LGSN: variants seen among roughly 807,000 people sequenced by gnomAD.
The protein encoded by LGSN is lengsin.
LGSN carries 21 observed loss-of-function variants against 19.5 expected under a neutral mutation model. That is an observed-to-expected ratio of 1.07 (90% confidence interval 0.76 to 1.55). The LOEUF is 1.55. LGSN is among the 40% of genes most tolerant of loss of function. The probability of loss-of-function intolerance (pLI) is 0.00; values close to 1 mark genes in which losing one functional copy is unlikely to be tolerated. For synonymous variants in LGSN, 257 were observed against 215.6 expected, an observed-to-expected ratio of 1.19 and a Z score of -1.68; for missense variants, 673 against 608.5, an observed-to-expected ratio of 1.11 and a Z score of -1.12.
chr6:63,326,155 G>A, the LGSN span, among the ~76,000 whole-genome samples: 18,497 of 152,050 alleles, frequency 0.12, 1,562 homozygotes, highest in Admixed American at 0.25. Context: ...CGATTGGTGC[G>A]TTCACAAACC....
the LGSN span, among the ~76,000 whole-genome samples, chr6:63,390,461 C>G: frequency 1.3e-5 from 2 of 151,676 alleles, no homozygotes; most frequent in Non-Finnish European, 2.9e-5. Flanking sequence ...CTATTATTTT[C>G]TTAGAATGCA....
At chr6:63,357,039 T>C in the LGSN span, among the ~76,000 whole-genome samples, 1 of 138,740 alleles carries the variant, frequency 7.2e-6, no homozygotes, top group Non-Finnish European at 1.5e-5. Flanking sequence ...TGTCCATGTG[T>C]TCTCATTGTT....
At chr6:63,411,142 A>T in the LGSN span, among the ~76,000 whole-genome samples, 1 of 152,200 alleles carries the variant, frequency 6.6e-6, no homozygotes, top group Non-Finnish European at 1.5e-5. Flanking sequence ...ATTGACTAGA[A>T]ATTTTGCCAG....
Position 63,280,705 on chromosome 6 carries a change from T to C in LGSN, c.846A>G (p.Ala282=). Residue 282 remains alanine, a synonymous_variant, in exon 4 of 4, where the codon GCA becomes GCG. Coordinates refer to ENST00000370657, the MANE Select transcript of LGSN (RefSeq NM_016571.3). ...PEFGISSADN[A]FTLRTGVKEV... Reference sequence around the variant, plus strand: ...CTTTGACACCTGTTCTGAGGGTAAATGCATTATCAGCTGAGCTAATGCCAA... The same window carrying C: ...CTTTGACACCTGTTCTGAGGGTAAACGCATTATCAGCTGAGCTAATGCCAA... 1 of 1,614,096 alleles carries C rather than the reference T, an allele frequency of 6.2e-7. No individual in the cohort carries two copies. The highest frequency in any genetic ancestry group is 8.5e-7 in the Non-Finnish European group (1 of 1,180,018).
At chr6:63,464,532 A>ATATAT in the LGSN span, among the ~76,000 whole-genome samples, 1 of 148,902 alleles carries the variant, frequency 6.7e-6, no homozygotes, top group African/African-American at 2.5e-5. Context: ...GTATGGAAAA[A>ATATAT]ATATATATAT....
intron 2 of LGSN, 84 bp from the exon 3 acceptor site, chr6:63,285,837 C>T (rs368000679): frequency 2.5e-5 from 25 of 1,015,598 alleles, no homozygotes; most frequent in East Asian, 1.3e-4. Context: ...GTGAATTAGT[C>T]AATATTATTA....
chr6:63,379,097 A>G, the LGSN span, among the ~76,000 whole-genome samples: 1 of 152,206 alleles, frequency 6.6e-6, no homozygotes, highest in African/African-American at 2.4e-5. Context: ...TGAGATAGTT[A>G]AAATCAACAG....
chr6:63,555,588 C>T, the LGSN span, among the ~76,000 whole-genome samples: 2 of 152,098 alleles, frequency 1.3e-5, no homozygotes, highest in East Asian at 3.8e-4. Context: ...AGGATTTTGT[C>T]TCACTGCATG....
At chr6:63,470,149 A>T in the LGSN span, among the ~76,000 whole-genome samples, 1 of 152,054 alleles carries the variant, frequency 6.6e-6, no homozygotes, top group South Asian at 2.1e-4. Flanking sequence ...GGAAGGAAGG[A>T]AGGAAGGCAG....
the LGSN span, chr6:63,441,469 G>T: frequency 2.3e-6 from 1 of 444,288 alleles, no homozygotes; most frequent in South Asian, 1.9e-5. Context: ...TTGCTTGGGT[G>T]AGAAGCCATG....
At chr6:63,282,319 C>A (rs1197308497) in intron 3 of LGSN, among the ~76,000 whole-genome samples, 1 of 152,220 alleles carries the variant, frequency 6.6e-6, no homozygotes, top group Non-Finnish European at 1.5e-5. Flanking sequence ...CTCTAACAAT[C>A]TGCAAGCCAG....
chr6:63,311,002 C>G (rs1768605691), intron 1 of LGSN, among the ~76,000 whole-genome samples: 1 of 152,130 alleles, frequency 6.6e-6, no homozygotes, highest in South Asian at 2.1e-4. Context: ...AAGCAAAATG[C>G]CTTGAGCATC....
the LGSN span, among the ~76,000 whole-genome samples, chr6:63,437,803 A>T: frequency 1.3e-3 from 191 of 152,008 alleles, no homozygotes; most frequent in Non-Finnish European, 2.3e-3. Context: ...GGTGGTGGGC[A>T]CCTGTAATCC....
the LGSN span, among the ~76,000 whole-genome samples, chr6:63,327,923 G>A: frequency 1.4e-4 from 21 of 152,040 alleles, no homozygotes; most frequent in African/African-American, 5.1e-4. Flanking sequence ...ACCTCTTTGT[G>A]TTCCTGCACC....
rs1767275372 is a variant in LGSN at position 63,280,797 on chromosome 6, C to G, written c.754G>C (p.Ala252Pro). The G allele has an allele frequency of 1.2e-6, 2 of 1,614,126 alleles. No homozygotes were observed. The highest frequency in any genetic ancestry group is 1.3e-5 in the African/African-American group (1 of 75,052). Residue 252 changes from alanine to proline, a missense_variant, in exon 4 of 4, where the codon GCC (alanine) becomes CCC (proline). Ala to Pro is a conservative substitution (Grantham distance 27, BLOSUM62 -1). Transcript: ENST00000370657. Reference sequence around the variant, plus strand: ...GAGGAGGAAAAACTCTCGACATTGGCTCCAGTGTGATACAAGCCATCAACA... The same window carrying G: ...GAGGAGGAAAAACTCTCGACATTGGGTCCAGTGTGATACAAGCCATCAACA... ...ELVDGLYHTG[A>P]NVESFSSSTR...
At chr6:63,565,169 T>C in the LGSN span, among the ~76,000 whole-genome samples, 1 of 151,952 alleles carries the variant, frequency 6.6e-6, no homozygotes, top group Non-Finnish European at 1.5e-5. Context: ...TGCACCATCA[T>C]GCCCAGATAA....
At chr6:63,437,277 A>G in the LGSN span, among the ~76,000 whole-genome samples, 1 of 151,562 alleles carries the variant, frequency 6.6e-6, no homozygotes, top group Non-Finnish European at 1.5e-5. Context: ...TTTTTCGCCA[A>G]ATTGTCGGAG....
the LGSN span, among the ~76,000 whole-genome samples, chr6:63,559,570 C>T: frequency 6.6e-6 from 1 of 151,988 alleles, no homozygotes; most frequent in Non-Finnish European, 1.5e-5. Context: ...CATGGTGAAA[C>T]CCTGTCTCTA....
chr6:63,285,515 A>G (rs1011107269), intron 3 of LGSN, 72 bp downstream of exon 3: 50 of 1,173,158 alleles, frequency 4.3e-5, no homozygotes, highest in Non-Finnish European at 5.7e-5. Context: ...AGAAAATAAG[A>G]AAGAGTAATA....
Sources: gnomAD v4.1 joint callset for allele counts (sites outside exome capture counted in the v4.1 genomes callset) on GRCh38, gnomAD v4.1.1 for gene constraint, MANE v1.5 for transcripts, NCBI Gene and HGNC (gene_info 2026-07-23, HGNC 2026-07-21) for gene names.